TTN: variants seen among roughly 807,000 people sequenced by gnomAD.
The protein encoded by TTN is connectin.
Under a neutral mutation model 3,223.0 loss-of-function variants are expected in TTN, and 1,525 were observed. That is an observed-to-expected ratio of 0.47 (90% CI 0.45 to 0.49). The LOEUF (loss-of-function observed/expected upper bound fraction) is 0.49, where lower values mean the gene tolerates loss of function less well. TTN is among the 20% of genes least tolerant of loss of function. The pLI is 0.00. For missense variants in TTN, 40,786 were observed against 43,424.0 expected (o/e 0.94, Z 5.40); for synonymous variants, 14,094 against 15,161.0 (o/e 0.93, Z 5.17).
At chr2:178,685,027 T>C in intron 129 of TTN, 38 bp from the exon 130 acceptor site, 1 of 1,510,464 alleles carries the variant, frequency 6.6e-7, no homozygotes, top group Non-Finnish European at 9.1e-7. Flanking sequence ...GAGTTTGCCT[T>C]ACATATGAAG....
Position 178,598,716 on chromosome 2 carries a change from AT to A in TTN, c.56962+31del, listed in dbSNP as rs1242808284. On this transcript the variant is annotated intron_variant, in intron 291 of 362. Transcript: ENST00000589042. ...TTCCAAGGCACTTTTGGAAAATAAG[AT>A]TTAAAAAAAAGGAATGGTTTCCAGG... 4.4e-6 allele frequency: 7 copies of A among 1,602,862 alleles called. No homozygotes were observed. In the Admixed American group the frequency reaches 7.1e-5, roughly 16 times the overall value.
At position 178,731,674 on chromosome 2, in the gene TTN, C is replaced by T. The variant is rs1184175940; in HGVS notation, c.17182+19G>A. On this transcript the variant is annotated intron_variant, in intron 58 of 362. Transcript: ENST00000589042. ...TGACTCTTCAGAAAAGCCAGTCCCT[C>T]ACTGGAACCAACACTAACCTCTTAA... 1 of 1,593,534 alleles carries T rather than the reference C, an allele frequency of 6.3e-7. No homozygotes were observed. The highest frequency in any genetic ancestry group is 2.2e-5 in the East Asian group (1 of 44,514).
Position 178,560,180 on chromosome 2 carries a change from A to G in TTN, c.85952T>C (p.Leu28651Pro). 1.2e-6 allele frequency: 2 copies of G among 1,613,794 alleles called. No homozygotes were observed. Among genetic ancestry groups the G allele is most frequent in the Non-Finnish European group, 1.7e-6 (2 of 1,179,778 alleles). Residue 28651 changes from leucine to proline, a missense_variant, in exon 326 of 363, where the codon CTA (leucine) becomes CCA (proline). Coordinates refer to ENST00000589042, the MANE Select transcript of TTN (RefSeq NM_001267550.2). The stretch of plus-strand genomic sequence containing the variant: ...TTTGGGTTTGGATGGAGGAGATGGT[A>G]GGAACACTGGATCTTCTGCCCTAAT... ...PLIRAEDPVF[L>P]PSPPSKPKIV...
At position 178,773,968 on chromosome 2, in the gene TTN, C is replaced by G; in HGVS notation, c.7200G>C (p.Arg2400Ser). The G allele has an allele frequency of 6.2e-7, 1 of 1,614,014 alleles. No individual in the cohort carries two copies. The highest frequency in any genetic ancestry group is 8.5e-7 in the Non-Finnish European group (1 of 1,179,974). ...ATTGTTTGTCTATCACAATGTGAAC[C>G]CTGTCACTGGGCTGCACTTCTTGGC... ...KDGQEVQPSD[R>S]VHIVIDKQSH... Residue 2400 changes from arginine to serine, a missense_variant, in exon 31 of 363, where the codon AGG (arginine) becomes AGC (serine). Arg to Ser is a moderately radical substitution (Grantham distance 110). Transcript: ENST00000589042.
chr2:178,675,811 G>C (rs1421888437), intron 148 of TTN, 57 bp from the exon 149 acceptor site: 1 of 1,523,524 alleles, frequency 6.6e-7, no homozygotes, highest in Admixed American at 2.0e-5. Flanking sequence ...AAGACAAGTA[G>C]ACACAGCAGT....
chr2:178,592,697 A>G (rs762779500), intron 300 of TTN, 37 bp from the exon 301 acceptor site: 10 of 1,611,830 alleles, frequency 6.2e-6, no homozygotes, highest in Non-Finnish European at 8.5e-6. Flanking sequence ...GATTTGATCC[A>G]TAATGCAGAT....
intron 81 of TTN, 39 bp from the exon 82 acceptor site, chr2:178,719,871 C>G: frequency 1.3e-6 from 2 of 1,569,748 alleles, no homozygotes; most frequent in South Asian, 2.4e-5. Flanking sequence ...ACAAAGTAAC[C>G]TTTCAAACTC....
In TTN at chr2:178,570,183, T is replaced by G. The variant is rs762723439; in HGVS notation, c.75949A>C (p.Thr25317Pro). Residue 25317 changes from threonine to proline, a missense_variant, in exon 326 of 363, where the codon ACC becomes CCC. Transcript: ENST00000589042. ...CATACAACAATCATTGAGTCCTTGG[T>G]CACTGTTGTGACTTCTGGAGCTTTT... ...APKAPEVTTV[T>P]KDSMIVVWER... is the part of the protein sequence containing the mutation. The G allele has an allele frequency of 6.2e-7, 1 of 1,613,502 alleles. No individual in the cohort carries two copies. Among genetic ancestry groups the G allele is most frequent in the South Asian group, 1.1e-5 (1 of 91,070 alleles).
chr2:178,749,066 A>G (rs540830377), intron 47 of TTN: 1 of 1,612,922 alleles, frequency 6.2e-7, no homozygotes, highest in East Asian at 2.2e-5. Context: ...CTCTTCACCA[A>G]GGGATTCTTC....
At position 178,771,247 on chromosome 2, in the gene TTN, C is replaced by A. The variant is rs1230162125; in HGVS notation, c.8080G>T (p.Ala2694Ser). 6.2e-7 allele frequency: 1 copy of A among 1,613,934 alleles called. No individual in the cohort carries two copies. Among genetic ancestry groups the A allele is most frequent in the South Asian group, 1.1e-5 (1 of 91,086 alleles). ...AGTTTGGCAGATGTTTTGGAGGTGG[C>A]CACCTTGTAGGTATATTCTCCAATG... ...DDIGEYTYKVATSKTSAKLKV... is the reference protein window; with the variant it reads ...DDIGEYTYKVSTSKTSAKLKV... Residue 2694 changes from alanine to serine, a missense_variant, in exon 34 of 363, where the codon GCC (alanine) becomes TCC (serine). Transcript: ENST00000589042.
Position 178,794,700 on chromosome 2 carries a change from T to C in TTN, c.1246-149A>G, listed in dbSNP as rs1015560419. 14 of 1,122,412 alleles carry C rather than the reference T, an allele frequency of 1.2e-5. No individual in the cohort carries two copies. The African/African-American group carries it at 2.0e-4, about 16-fold the overall frequency. The allele number at this position is 1,122,412 out of a possible 1,614,324, so 69.5% of individuals were successfully genotyped here. ...GCCAAGAAATACAGAGACTGTATCA[T>C]TAAAACCTGTATATTATGGAAACTT... is the stretch of plus-strand genomic sequence containing the variant. On this transcript the variant is annotated intron_variant, in intron 7 of 362. Coordinates refer to ENST00000589042, the MANE Select transcript of TTN (RefSeq NM_001267550.2).
Position 178,583,163 on chromosome 2 carries a change from A to T in TTN, c.65640T>A (p.Asn21880Lys). The change falls in exon 313 of 363, where the codon AAT becomes AAA. Residue 21880 changes from asparagine (N) to lysine (K), a missense_variant. Asn to Lys is a moderately conservative substitution (Grantham distance 94). Transcript: ENST00000589042. ...KSLLTVKAGT[N>K]VCLDATVFGK... is the part of the protein sequence containing the mutation. ...CAAAAACAGTAGCATCCAAGCAGACATTAGTTCCAGCTTTCACAGTAAGCA... is the reference window on the plus strand; with the variant it reads ...CAAAAACAGTAGCATCCAAGCAGACTTTAGTTCCAGCTTTCACAGTAAGCA... 2 of 1,612,296 alleles carry T rather than the reference A, an allele frequency of 1.2e-6. No individual in the cohort carries two copies. The highest frequency in any genetic ancestry group is 2.2e-5 in the South Asian group (2 of 90,948).
Position 178,689,153 on chromosome 2 carries a change from C to T in TTN, c.32012-17G>A, listed in dbSNP as rs1172670720. The T allele has an allele frequency of 1.3e-6, 2 of 1,596,742 alleles. No homozygotes were observed. The highest frequency in any genetic ancestry group is 1.7e-6 in the Non-Finnish European group (2 of 1,174,818). The stretch of plus-strand genomic sequence containing the variant: ...GAGCTGGCACTTTAGAGACATTATG[C>T]ACTTTTAGAAATTTAATGTGATCTC... On this transcript the variant is annotated splice_polypyrimidine_tract_variant and intron_variant, in intron 124 of 362. Transcript: ENST00000589042.
intron 1 of TTN, among the ~76,000 whole-genome samples, chr2:178,805,675 A>AG (rs2094285813): frequency 6.6e-6 from 1 of 152,224 alleles, no homozygotes; most frequent in African/African-American, 2.4e-5. Flanking sequence ...GTAAATATTC[A>AG]GAAAAATTTA....
rs764558479 is a variant in TTN at position 178,740,413 on chromosome 2, T to A, written c.12820A>T (p.Ser4274Cys). Residue 4274 changes from serine (S) to cysteine (C), a missense_variant, in exon 48 of 363, where the codon AGT becomes TGT. Transcript: ENST00000589042. ...SQSLAEGHVE[S>C]LQSPDVMISQ... The stretch of plus-strand genomic sequence containing the variant: ...ATCATGACATCAGGACTCTGGAGAC[T>A]CTCCACGTGTCCCTCAGCTAAGCTC... 6.2e-7 allele frequency: 1 copy of A among 1,613,072 alleles called. No individual in the cohort carries two copies. Among genetic ancestry groups the A allele is most frequent in the South Asian group, 1.1e-5 (1 of 90,990 alleles).
At chr2:178,704,465 G>A in intron 105 of TTN, 45 bp downstream of exon 105, 1 of 1,598,218 alleles carries the variant, frequency 6.3e-7, no homozygotes. Context: ...GTGCTCAACA[G>A]TAATTTAAAT....
rs1169715587 is a variant in TTN at position 178,719,707 on chromosome 2, A to G, written c.23785T>C (p.Leu7929=). 1.9e-6 allele frequency: 3 copies of G among 1,613,694 alleles called. No individual in the cohort carries two copies. The African/African-American group carries it at 4.0e-5, about 22-fold the overall frequency. ...SAKWFKDGRE[L]SADSKHHITF... ...ATGTGATGTTTGCTGTCTGCAGACA[A>G]TTCTCTTCCATCTTTGAACCACTTG... is the stretch of plus-strand genomic sequence containing the variant. The change falls in exon 82 of 363, where the codon TTG becomes CTG. Residue 7929 remains leucine (L), a synonymous_variant. Coordinates refer to ENST00000589042, the MANE Select transcript of TTN (RefSeq NM_001267550.2).
Position 178,689,459 on chromosome 2 carries a change from A to G in TTN, c.31927+56T>C. 4 of 1,602,232 alleles carry G rather than the reference A, an allele frequency of 2.5e-6. No homozygotes were observed. The East Asian group carries it at 6.7e-5, about 27-fold the overall frequency. On this transcript the variant is annotated intron_variant, in intron 123 of 362. Transcript: ENST00000589042. Reference sequence around the variant, plus strand: ...GAAGTGGCAATTAAAGAAGACATGCAATTAAAGAGGCTTGAAGGAAAGACA... The same window carrying G: ...GAAGTGGCAATTAAAGAAGACATGCGATTAAAGAGGCTTGAAGGAAAGACA...
Position 178,615,391 on chromosome 2 carries a change from G to C in TTN, c.48554C>G (p.Ser16185Ter). 1.2e-6 allele frequency: 2 copies of C among 1,612,612 alleles called. No homozygotes were observed. Among genetic ancestry groups the C allele is most frequent in the Non-Finnish European group, 1.7e-6 (2 of 1,179,056 alleles). The change falls in exon 259 of 363, where the codon TCA becomes TGA. Residue 16185 changes from serine to a stop codon, truncating the protein, a stop_gained. Transcript: ENST00000589042. LOFTEE classifies it high-confidence loss of function. ...TTCAACTATATATCCTTTGATGCGT[G>C]AACCACCATCATTTTTAGGTGGATC... ...TWDPPKNDGG[S>*]RIKGYIVERC... is the part of the protein sequence containing the mutation.
Sources: allele counts gnomAD v4.1 joint callset (sites outside exome capture counted in the v4.1 genomes callset), GRCh38; gene constraint gnomAD v4.1.1; transcripts MANE v1.5; gene names NCBI Gene and HGNC (gene_info 2026-07-23, HGNC 2026-07-21).